Variants in KANK1 observed in about 807,000 individuals in gnomAD.
The protein encoded by KANK1 is KN motif and ankyrin repeat domain-containing protein 1.
In KANK1, 109 loss-of-function variants were observed where a neutral mutation model predicts 106.2. That is an observed-to-expected ratio of 1.03 (90% CI 0.88 to 1.20). The LOEUF (loss-of-function observed/expected upper bound fraction) is 1.20, where lower values mean the gene tolerates loss of function less well. KANK1 is among the 50% of genes most tolerant of loss of function. The pLI is 0.00. For synonymous variants in KANK1, 873 were observed against 652.2 expected (o/e 1.34, Z -5.16); for missense variants, 2,399 against 1,710.7 (o/e 1.40, Z -7.10).
intron 5 of KANK1, 166 bp from the exon 6 acceptor site, chr9:732,212 A>G (rs1053067063): frequency 2.7e-6 from 2 of 734,748 alleles, no homozygotes; most frequent in East Asian, 2.6e-5. Flanking sequence ...AGTCCATTCA[A>G]AACCACCAGG....
At chr9:665,419 G>T (rs1041284150) in intron 1 of KANK1, among the ~76,000 whole-genome samples, 10 of 152,294 alleles carry the variant, frequency 6.6e-5, no homozygotes, top group African/African-American at 2.4e-4. Flanking sequence ...TTATTGAAGA[G>T]ACTGTCCTTT....
intron 1 of KANK1, among the ~76,000 whole-genome samples, chr9:608,028 A>ATT (rs1326986665): frequency 2.0e-4 from 17 of 84,366 alleles, no homozygotes; most frequent in African/African-American, 7.4e-4. Context: ...TATTATTATT[A>ATT]TTATTATTTT....
intron 1 of KANK1, among the ~76,000 whole-genome samples, chr9:548,517 T>C (rs940283877): frequency 8.5e-5 from 13 of 152,208 alleles, no homozygotes; most frequent in African/African-American, 3.1e-4. Context: ...TTCTCAAGAA[T>C]GTTTAAGAAA....
chr9:722,112 A>G (rs772318491), intron 3 of KANK1, among the ~76,000 whole-genome samples: 1 of 152,266 alleles, frequency 6.6e-6, no homozygotes, highest in Non-Finnish European at 1.5e-5. Context: ...TCCTAGGCAC[A>G]GGCCAAGCTA....
At chr9:554,182 A>G (rs546703599) in intron 1 of KANK1, among the ~76,000 whole-genome samples, 16 of 152,214 alleles carry the variant, frequency 1.1e-4, no homozygotes, top group Non-Finnish European at 2.4e-4. Context: ...CCATCTGCAA[A>G]CTAGAGAACA....
intron 1 of KANK1, among the ~76,000 whole-genome samples, chr9:529,707 A>C (rs1456377591): frequency 6.6e-6 from 1 of 152,188 alleles, no homozygotes; most frequent in Non-Finnish European, 1.5e-5. Context: ...TTGTTTAATC[A>C]GTTTCCTATT....
At chr9:646,560 A>G (rs1839711953) in intron 1 of KANK1, among the ~76,000 whole-genome samples, 1 of 150,756 alleles carries the variant, frequency 6.6e-6, no homozygotes, top group Non-Finnish European at 1.5e-5. Flanking sequence ...TAATATGTTG[A>G]ACATGATTAA....
chr9:721,491 G>A (rs1417592399), intron 3 of KANK1, among the ~76,000 whole-genome samples: 2 of 152,152 alleles, frequency 1.3e-5, no homozygotes, highest in African/African-American at 4.8e-5. Context: ...AGCATAATAA[G>A]ACTAAAACTT....
chr9:712,657 G>A lies in KANK1; in HGVS notation c.1891G>A (p.Gly631Arg), dbSNP rs745828951. The A allele has an allele frequency of 3.7e-6, 6 of 1,614,046 alleles. No homozygotes were observed. The South Asian group carries it at 6.6e-5, about 18-fold the overall frequency. Reference sequence around the variant, plus strand: ...CAAAGAAGTGCGGTCTATCGGTTGTGGAGATTGTTCTGTTGACGTGACCGT... The same window carrying A: ...CAAAGAAGTGCGGTCTATCGGTTGTAGAGATTGTTCTGTTGACGTGACCGT... Reference protein sequence around the residue: ...NLKEVRSIGCGDCSVDVTVCS... With the variant: ...NLKEVRSIGCRDCSVDVTVCS... Residue 631 changes from glycine (G) to arginine (R), a missense_variant, in exon 3 of 12, where the codon GGA becomes AGA. Physicochemically the swap from Gly to Arg is moderately radical, Grantham distance 125. Transcript: ENST00000382297.
At chr9:588,754 T>C (rs993738766) in intron 1 of KANK1, among the ~76,000 whole-genome samples, 13 of 152,146 alleles carry the variant, frequency 8.5e-5, no homozygotes, top group African/African-American at 3.1e-4. Context: ...TAGAGTTAGA[T>C]GCCTGGGTTC....
At position 713,476 on chromosome 9, in the gene KANK1, C is replaced by T; in HGVS notation, c.2698+12C>T. On this transcript the variant is annotated intron_variant, in intron 3 of 11. Coordinates refer to ENST00000382297, the MANE Select transcript of KANK1 (RefSeq NM_015158.5). ...GGGTAAAATCACAGGTAGGTGGTACCCTGAGGACCTGGGAATGAGGAAGGA... is the reference window on the plus strand; with the variant it reads ...GGGTAAAATCACAGGTAGGTGGTACTCTGAGGACCTGGGAATGAGGAAGGA... 6.5e-7 allele frequency: 1 copy of T among 1,538,674 alleles called. No homozygotes were observed. Among genetic ancestry groups the T allele is most frequent in the Middle Eastern group, 1.9e-4 (1 of 5,210 alleles).
chr9:729,874 C>T (rs961540380), intron 3 of KANK1, among the ~76,000 whole-genome samples, 177 bp from the exon 4 acceptor site: 6 of 152,110 alleles, frequency 3.9e-5, no homozygotes, highest in African/African-American at 7.2e-5. Flanking sequence ...TGACGAGGCC[C>T]GGCAGTCTGC....
chr9:725,851 C>T (rs1188067827), intron 3 of KANK1, among the ~76,000 whole-genome samples: 1 of 152,116 alleles, frequency 6.6e-6, no homozygotes, highest in African/African-American at 2.4e-5. Context: ...TTCTAAGAAT[C>T]TAAGAGATTT....
At chr9:552,430 A>G (rs2061340413) in intron 1 of KANK1, among the ~76,000 whole-genome samples, 1 of 152,220 alleles carries the variant, frequency 6.6e-6, no homozygotes, top group Admixed American at 6.5e-5. Flanking sequence ...TTGTTAAACA[A>G]TATTTGATAA....
At chr9:486,342 A>G (rs1021171728) in intron 3 of KANK1, among the ~76,000 whole-genome samples, 1 of 152,234 alleles carries the variant, frequency 6.6e-6, no homozygotes, top group African/African-American at 2.4e-5. Flanking sequence ...CTCTTGAAGT[A>G]ATCATCATCG....
intron 1 of KANK1, among the ~76,000 whole-genome samples, chr9:551,620 A>C (rs2061287158): frequency 6.6e-6 from 1 of 152,188 alleles, no homozygotes; most frequent in Non-Finnish European, 1.5e-5. Context: ...CCTGTGCTCC[A>C]GACGCTCCAC....
chr9:470,891 C>G (rs934068047), intron 2 of KANK1: 4 of 152,340 alleles, frequency 2.6e-5, no homozygotes, highest in Non-Finnish European at 5.9e-5. Flanking sequence ...CAGCAGCCCT[C>G]TTTTTATCAG....
chr9:671,966 C>T (rs896482972), intron 1 of KANK1, among the ~76,000 whole-genome samples: 1 of 152,106 alleles, frequency 6.6e-6, no homozygotes, highest in South Asian at 2.1e-4. Flanking sequence ...AAAAAAATTA[C>T]ATAAAATTCC....
chr9:636,731 G>C lies in KANK1; in HGVS notation c.-83-40159G>C, dbSNP rs1837226141. On this transcript the variant is annotated intron_variant, in intron 1 of 11. Transcript: ENST00000382297. ...AAATACAAAAAATTAGCCAGATATGGTGGTGTGTGCTTGTAATCCCAGCTA... is the reference window on the plus strand; with the variant it reads ...AAATACAAAAAATTAGCCAGATATGCTGGTGTGTGCTTGTAATCCCAGCTA... Among the ~76,000 whole-genome samples, 2 of 152,172 alleles carry C rather than the reference G, an allele frequency of 1.3e-5. 1 individual carries two copies. Among genetic ancestry groups the C allele is most frequent in the Non-Finnish European group, 2.9e-5 (2 of 68,030 alleles).
Sources: gnomAD v4.1 joint callset for allele counts (sites outside exome capture counted in the v4.1 genomes callset) on GRCh38, gnomAD v4.1.1 for gene constraint, MANE v1.5 for transcripts, NCBI Gene and HGNC (gene_info 2026-07-23, HGNC 2026-07-21) for gene names.